The following BRCA2 variants were observed in gnomAD, a reference collection of about 807,000 sequenced individuals.
The protein encoded by BRCA2 is breast cancer type 2 susceptibility protein.
Under a neutral mutation model 276.7 loss-of-function variants are expected in BRCA2, and 203 were observed. The ratio of observed to expected loss-of-function variants is 0.73; its 90% CI spans 0.65 to 0.82. BRCA2 has a LOEUF of 0.82. Ranked by LOEUF, BRCA2 falls within the 40% of genes least tolerant of loss-of-function variation. BRCA2 has a pLI of 0.00. For synonymous variants in BRCA2, 1,289 were observed against 1,338.4 expected (o/e 0.96, Z 0.81); for missense variants, 3,920 against 3,915.0 (o/e 1.00, Z -0.03).
Position 32,339,010 on chromosome 13 carries a change from G to C in BRCA2, c.4655G>C (p.Gly1552Ala), listed in dbSNP as rs80358696. ...AACCTTTTTGATGAAAAAGAGCAAG[G>C]TACTAGTGAAATCACCAGTTTTAGC... is the stretch of plus-strand genomic sequence containing the variant. ...VKNLFDEKEQ[G>A]TSEITSFSHQ... is the part of the protein sequence containing the mutation. The change falls in exon 11 of 27, where the codon GGT becomes GCT. Residue 1552 changes from glycine (G) to alanine (A), a missense_variant. Transcript: ENST00000380152. The C allele has an allele frequency of 6.2e-7, 1 of 1,613,918 alleles. No homozygotes were observed. Among genetic ancestry groups the C allele is most frequent in the Non-Finnish European group, 8.5e-7 (1 of 1,179,934 alleles).
chr13:32,398,039 T>C, intron 26 of BRCA2, 123 bp from the exon 27 acceptor site: 1 of 994,128 alleles, frequency 1.0e-6, no homozygotes, highest in Non-Finnish European at 1.5e-6. Context: ...CTATTAGGAG[T>C]TAGGGGAGGG....
At chr13:32,328,669 A>AAT (rs1406228601) in intron 7 of BRCA2, among the ~76,000 whole-genome samples, 1 of 152,238 alleles carries the variant, frequency 6.6e-6, no homozygotes, top group Non-Finnish European at 1.5e-5. Context: ...TAAAAAATAC[A>AAT]ATATATCTAG....
chr13:32,329,092 T>G (rs1339584614), intron 7 of BRCA2, among the ~76,000 whole-genome samples: 1 of 152,226 alleles, frequency 6.6e-6, no homozygotes, highest in Non-Finnish European at 1.5e-5. Context: ...TAGTATGCCT[T>G]TAGGCTGTAG....
In BRCA2 at chr13:32,338,151, C is replaced by T. The variant is rs1566229153; in HGVS notation, c.3796C>T (p.His1266Tyr). ...HPISLSSSKC[H>Y]DSVVSMFKIE... Reference sequence around the variant, plus strand: ...AATAAGTTTATCTTCAAGTAAATGTCATGATTCTGTTGTTTCAATGTTTAA... The same window carrying T: ...AATAAGTTTATCTTCAAGTAAATGTTATGATTCTGTTGTTTCAATGTTTAA... Residue 1266 changes from histidine to tyrosine, a missense_variant, in exon 11 of 27, where the codon CAT becomes TAT. Around this residue, in one of 2 missense-constraint regions of BRCA2, gnomAD observed 3,263 missense variants for 3,156.9 expected, o/e 1.03. Coordinates refer to ENST00000380152, the MANE Select transcript of BRCA2 (RefSeq NM_000059.4). 6.3e-7 allele frequency: 1 copy of T among 1,598,994 alleles called. No homozygotes were observed. The highest frequency in any genetic ancestry group is 1.7e-5 in the Admixed American group (1 of 57,922).
chr13:32,355,795 G>A (rs1048076994), intron 14 of BRCA2, among the ~76,000 whole-genome samples: 19 of 151,924 alleles, frequency 1.3e-4, no homozygotes, highest in East Asian at 5.9e-4. Flanking sequence ...CAGGAGAATC[G>A]TTTGAACCCG....
chr13:32,363,080 T>C (rs1354317854), intron 17 of BRCA2, 99 bp from the exon 18 acceptor site: 9 of 1,006,410 alleles, frequency 8.9e-6, no homozygotes, highest in African/African-American at 3.3e-5. Flanking sequence ...ATTTCTTAGA[T>C]AAATTCAGTT....
intron 18 of BRCA2, among the ~76,000 whole-genome samples, chr13:32,369,836 A>T (rs149423840): frequency 1.3e-3 from 203 of 152,330 alleles, no homozygotes; most frequent in African/African-American, 4.7e-3. Flanking sequence ...GGCCTCCCAA[A>T]GTGTTGGGAT....
intron 7 of BRCA2, among the ~76,000 whole-genome samples, chr13:32,327,272 A>G (rs1359442186): frequency 6.6e-6 from 1 of 152,090 alleles, no homozygotes; most frequent in African/African-American, 2.4e-5. Flanking sequence ...ACGTGGTGAA[A>G]CCCTGTCTCT....
intron 18 of BRCA2, among the ~76,000 whole-genome samples, chr13:32,366,731 AG>A (rs768487604): frequency 6.6e-6 from 1 of 151,938 alleles, no homozygotes; most frequent in Non-Finnish European, 1.5e-5. Context: ...CTGAGGTGGG[AG>A]AATCACTTGA....
Position 32,332,975 on chromosome 13 carries a change from G to C in BRCA2, c.1497G>C (p.Gln499His), listed in dbSNP as rs2072414803. ...SGTSPVASSFQGIKKSIFRIR... is the reference protein window; with the variant it reads ...SGTSPVASSFHGIKKSIFRIR... ...CTTCTCCAGTGGCTTCTTCATTTCA[G>C]GGTATCAAAAAGTCTATATTCAGAA... is the stretch of plus-strand genomic sequence containing the variant. The change falls in exon 10 of 27, where the codon CAG (glutamine) becomes CAC (histidine). Residue 499 changes from glutamine to histidine, a missense_variant. This residue lies in a region of BRCA2 where 3,263 missense variants were observed against 3,156.9 expected (regional missense o/e 1.03). Coordinates refer to ENST00000380152, the MANE Select transcript of BRCA2 (RefSeq NM_000059.4). 6.3e-7 allele frequency: 1 copy of C among 1,595,456 alleles called. No homozygotes were observed. The highest frequency in any genetic ancestry group is 8.5e-7 in the Non-Finnish European group (1 of 1,175,458).
rs2072336438 is a variant in BRCA2, at chr13:32,325,293, G to T, written c.425+109G>T. The T allele has an allele frequency of 2.0e-5, 16 of 786,206 alleles. No individual in the cohort carries two copies. In the Admixed American group the frequency reaches 4.0e-4, roughly 20 times the overall value. 48.7% of individuals were successfully genotyped at this position (786,206 alleles called of 1,614,324 possible). On this transcript the variant is annotated intron_variant, in intron 4 of 26. Transcript: ENST00000380152. ...ATGCTAATATTTTGGCTAAGAGCCT[G>T]GTAGAAGATCTTACATTTTTAAATA...
chr13:32,342,166 C>T (rs546186128), intron 11 of BRCA2, among the ~76,000 whole-genome samples: 2 of 150,104 alleles, frequency 1.3e-5, no homozygotes, highest in African/African-American at 4.9e-5. Context: ...CCAACTACTC[C>T]AGAAGCTGAG....
At chr13:32,388,640 T>C (rs2072977684) in intron 24 of BRCA2, among the ~76,000 whole-genome samples, 1 of 150,090 alleles carries the variant, frequency 6.7e-6, no homozygotes, top group African/African-American at 2.5e-5. Context: ...CTATGCTCAG[T>C]AGGTTAAATG....
chr13:32,329,671 C>G (rs539152429), intron 8 of BRCA2, among the ~76,000 whole-genome samples, 179 bp downstream of exon 8: 1 of 152,230 alleles, frequency 6.6e-6, no homozygotes, highest in East Asian at 1.9e-4. Flanking sequence ...TGCTGTCTCT[C>G]TGTTAAAGTT....
intron 24 of BRCA2, among the ~76,000 whole-genome samples, chr13:32,384,286 T>G (rs909691330): frequency 8.6e-5 from 13 of 151,978 alleles, no homozygotes; most frequent in Admixed American, 2.6e-4. Context: ...AAGATGGCAA[T>G]GAGAGCACCT....
rs80358748 is a variant in BRCA2 at position 32,339,604 on chromosome 13, C to T, written c.5249C>T (p.Ser1750Phe). Residue 1750 changes from serine (S) to phenylalanine (F), a missense_variant, in exon 11 of 27, where the codon TCC becomes TTC. Physicochemically the swap from Ser to Phe is radical, Grantham distance 155. This residue lies in a region of BRCA2 where 3,263 missense variants were observed against 3,156.9 expected (regional missense o/e 1.03). Transcript: ENST00000380152. Reference protein sequence around the residue: ...LSNSSMSNSYSYHSDEVYNDS... With the variant: ...LSNSSMSNSYFYHSDEVYNDS... The stretch of plus-strand genomic sequence containing the variant: ...AACAGTAGCATGTCTAACAGCTATT[C>T]CTACCATTCTGATGAGGTATATAAT... 11 of 1,611,364 alleles carry T rather than the reference C, an allele frequency of 6.8e-6. No individual in the cohort carries two copies. The highest frequency in any genetic ancestry group is 8.5e-6 in the Non-Finnish European group (10 of 1,178,326).
rs9534269 is a variant in BRCA2 at position 32,365,149 on chromosome 13, T to G, written c.8331+1616T>G. Among the ~76,000 whole-genome samples the G allele has an allele frequency of 0.25, 28,937 of 116,634 alleles. 3,821 individuals carry two copies. Among genetic ancestry groups the G allele is most frequent in the Non-Finnish European group, 0.27 (15,879 of 59,858 alleles). The allele number at this position is 116,634 out of a possible 152,430, so 76.5% of individuals were successfully genotyped here. A position where few individuals can be genotyped will look rare whatever the true frequency, so the allele number is the denominator to read the frequency against. ...TTTTTTTTTTTTTTGAGACAACGTC[T>G]CACTGTGTTACATAGGCTGGAGTGT... On this transcript the variant is annotated intron_variant, in intron 18 of 26. Coordinates refer to ENST00000380152, the MANE Select transcript of BRCA2 (RefSeq NM_000059.4).
Position 32,345,062 on chromosome 13 carries a change from A to G in BRCA2, c.6937+409A>G, listed in dbSNP as rs189872674. Among the ~76,000 whole-genome samples, 921 of 152,254 alleles carry G rather than the reference A, an allele frequency of 6.0e-3. No homozygotes were observed. The highest frequency in any genetic ancestry group is 0.014 in the Middle Eastern group (4 of 294). ...AAAGCTGTCAAGCTTACAGAGCCAGATACAAGCTTCCCAAAAATTCTGATT... is the reference window on the plus strand; with the variant it reads ...AAAGCTGTCAAGCTTACAGAGCCAGGTACAAGCTTCCCAAAAATTCTGATT... On this transcript the variant is annotated intron_variant, in intron 12 of 26. Coordinates refer to ENST00000380152, the MANE Select transcript of BRCA2 (RefSeq NM_000059.4).
In BRCA2 at chr13:32,338,152, A is replaced by G. The variant is rs1555283399; in HGVS notation, c.3797A>G (p.His1266Arg). 1 of 1,599,722 alleles carries G rather than the reference A, an allele frequency of 6.3e-7. No individual in the cohort carries two copies. Among genetic ancestry groups the G allele is most frequent in the Non-Finnish European group, 8.5e-7 (1 of 1,172,606 alleles). ...ATAAGTTTATCTTCAAGTAAATGTC[A>G]TGATTCTGTTGTTTCAATGTTTAAG... ...HPISLSSSKCHDSVVSMFKIE... is the reference protein window; with the variant it reads ...HPISLSSSKCRDSVVSMFKIE... The change falls in exon 11 of 27, where the codon CAT becomes CGT. Residue 1266 changes from histidine to arginine, a missense_variant. This residue lies in a region of BRCA2 where 3,263 missense variants were observed against 3,156.9 expected (regional missense o/e 1.03). Coordinates refer to ENST00000380152, the MANE Select transcript of BRCA2 (RefSeq NM_000059.4).
Sources: gnomAD v4.1 joint callset for allele counts (sites outside exome capture counted in the v4.1 genomes callset) on GRCh38, gnomAD v4.1.1 for gene constraint, gnomAD v4.1.1 regional missense constraint, MANE v1.5 for transcripts, NCBI Gene and HGNC (gene_info 2026-07-23, HGNC 2026-07-21) for gene names.